TNNI3K: variants seen among roughly 807,000 people sequenced by gnomAD.
TNNI3K encodes TNNI3 interacting kinase, also known as serine/threonine-protein kinase TNNI3K.
TNNI3K carries 140 observed loss-of-function variants against 114.5 expected under a neutral mutation model. The ratio of observed to expected loss-of-function variants is 1.22; its 90% CI spans 1.07 to 1.41. The LOEUF (loss-of-function observed/expected upper bound fraction) is 1.41, where lower values mean the gene tolerates loss of function less well. Ranked by LOEUF, TNNI3K falls within the 40% of genes most tolerant of loss-of-function variation. TNNI3K has a pLI of 0.00. For synonymous variants in TNNI3K, 347 were observed against 347.5 expected (o/e 1.00, Z 0.02); for missense variants, 1,125 against 1,007.6 (o/e 1.12, Z -1.58).
intron 7 of TNNI3K, chr1:74,341,609 A>G (rs1012934439): frequency 2.0e-5 from 3 of 150,886 alleles, no homozygotes; most frequent in African/African-American, 7.3e-5. Flanking sequence ...ACTCTTGCTA[A>G]TTTAGGCATA....
intron 4 of TNNI3K, among the ~76,000 whole-genome samples, chr1:74,252,642 G>A (rs1215724755): frequency 6.6e-6 from 1 of 152,062 alleles, no homozygotes; most frequent in Non-Finnish European, 1.5e-5. Context: ...TGGTGGGTTC[G>A]TGGTCTCGCT....
intron 17 of TNNI3K, among the ~76,000 whole-genome samples, chr1:74,401,450 G>T (rs1354454205): frequency 6.6e-6 from 1 of 152,122 alleles, no homozygotes; most frequent in Non-Finnish European, 1.5e-5. Flanking sequence ...GCATGTACCT[G>T]TCTGCATTTT....
intron 17 of TNNI3K, among the ~76,000 whole-genome samples, chr1:74,420,008 C>T (rs1400667027): frequency 1.3e-5 from 2 of 151,986 alleles, no homozygotes; most frequent in Non-Finnish European, 2.9e-5. Flanking sequence ...GGAGAGAATA[C>T]ATTCAAATGG....
At position 74,365,353 on chromosome 1, in the gene TNNI3K, C is replaced by T. The variant is rs1422344126; in HGVS notation, c.1178-1903C>T. Reference sequence around the variant, plus strand: ...CACCTGTAAAGCTCTACATCAGTCGCAGTCAAAGTGCAGATTGCTGATGAG... The same window carrying T: ...CACCTGTAAAGCTCTACATCAGTCGTAGTCAAAGTGCAGATTGCTGATGAG... On this transcript the variant is annotated intron_variant, in intron 11 of 24. Transcript: ENST00000326637. Among the ~76,000 whole-genome samples, 10 of 152,078 alleles carry T rather than the reference C, an allele frequency of 6.6e-5. No individual in the cohort carries two copies. The East Asian group carries it at 1.9e-3, about 30-fold the overall frequency.
chr1:74,389,371 A>T (rs1663645305), intron 17 of TNNI3K, among the ~76,000 whole-genome samples: 1 of 152,222 alleles, frequency 6.6e-6, no homozygotes, highest in African/African-American at 2.4e-5. Flanking sequence ...GCACATAAAG[A>T]TGTTGAAACT....
Position 74,328,505 on chromosome 1 carries a change from T to C in TNNI3K, c.445-2945T>C, listed in dbSNP as rs546030885. On this transcript the variant is annotated intron_variant, in intron 5 of 24. Coordinates refer to ENST00000326637, the MANE Select transcript of TNNI3K (RefSeq NM_015978.3). Reference sequence around the variant, plus strand: ...ATACAAATTAGTACATGAATTCTACTCATTAGCTAAAATCAGATAATTCTA... The same window carrying C: ...ATACAAATTAGTACATGAATTCTACCCATTAGCTAAAATCAGATAATTCTA... 7.9e-5 allele frequency among the ~76,000 whole-genome samples: 12 copies of C among 152,288 alleles called. No individual in the cohort carries two copies. The South Asian group carries it at 2.3e-3, about 29-fold the overall frequency.
At chr1:74,316,567 C>A (rs1322705606) in intron 5 of TNNI3K, among the ~76,000 whole-genome samples, 2 of 152,124 alleles carry the variant, frequency 1.3e-5, no homozygotes, top group Non-Finnish European at 2.9e-5. Context: ...ATGTCTTACT[C>A]CCTTACCTTC....
At chr1:74,490,064 A>C (rs1318013523) in intron 22 of TNNI3K, among the ~76,000 whole-genome samples, 3 of 150,504 alleles carry the variant, frequency 2.0e-5, no homozygotes, top group East Asian at 1.9e-4. Flanking sequence ...AAAAAAAAAA[A>C]AAAAAAAAAA....
At chr1:74,522,370 A>T (rs1194986672) in intron 23 of TNNI3K, among the ~76,000 whole-genome samples, 2 of 152,156 alleles carry the variant, frequency 1.3e-5, no homozygotes, top group African/African-American at 2.4e-5. Context: ...GGGAACCTGC[A>T]GCAGCTCAGA....
intron 11 of TNNI3K, 119 bp from the exon 12 acceptor site, chr1:74,367,137 T>C (rs1450941644): frequency 1.1e-6 from 1 of 932,306 alleles, no homozygotes; most frequent in East Asian, 2.5e-5. Flanking sequence ...TTGCAATACA[T>C]TACCTCTTAT....
intron 20 of TNNI3K, among the ~76,000 whole-genome samples, chr1:74,446,875 G>T (rs1011850250): frequency 6.8e-5 from 10 of 146,566 alleles, no homozygotes; most frequent in Non-Finnish European, 1.2e-4. Context: ...AATTCTGAGG[G>T]CTCTGTTCTG....
intron 23 of TNNI3K, among the ~76,000 whole-genome samples, chr1:74,496,223 G>A (rs1376712356): frequency 6.6e-6 from 1 of 152,092 alleles, no homozygotes; most frequent in African/African-American, 2.4e-5. Flanking sequence ...TGTAAGAAGG[G>A]GATGCAGCTA....
intron 17 of TNNI3K, among the ~76,000 whole-genome samples, chr1:74,392,748 C>A (rs556112024): frequency 6.6e-6 from 1 of 152,088 alleles, no homozygotes; most frequent in Admixed American, 6.5e-5. Context: ...GAGTACCTCC[C>A]GAAATGCATA....
chr1:74,396,398 C>A (rs1223606806), intron 17 of TNNI3K, among the ~76,000 whole-genome samples: 1 of 152,096 alleles, frequency 6.6e-6, no homozygotes, highest in African/African-American at 2.4e-5. Context: ...GAGTGCACTT[C>A]TAAAAAGTAC....
At chr1:74,302,231 G>A (rs1055593809) in intron 5 of TNNI3K, among the ~76,000 whole-genome samples, 2 of 152,150 alleles carry the variant, frequency 1.3e-5, no homozygotes, top group African/African-American at 4.8e-5. Flanking sequence ...ACAAAACGGT[G>A]AACTTAATAC....
intron 5 of TNNI3K, among the ~76,000 whole-genome samples, chr1:74,326,378 G>A (rs1307533121): frequency 6.6e-6 from 1 of 152,082 alleles, no homozygotes; most frequent in Non-Finnish European, 1.5e-5. Context: ...GAGCTAAATG[G>A]AACCAAGTCA....
chr1:74,500,768 C>T (rs1261891851), intron 23 of TNNI3K, among the ~76,000 whole-genome samples: 1 of 150,552 alleles, frequency 6.6e-6, no homozygotes, highest in Non-Finnish European at 1.5e-5. Context: ...TTACTTTTTT[C>T]CCTGCACCTT....
intron 2 of TNNI3K, among the ~76,000 whole-genome samples, chr1:74,236,843 C>A (rs1653887514): frequency 6.6e-6 from 1 of 151,838 alleles, no homozygotes; most frequent in East Asian, 1.9e-4. Context: ...CACAAAAAGC[C>A]TTCTGGTTAA....
intron 17 of TNNI3K, among the ~76,000 whole-genome samples, chr1:74,388,148 C>T (rs530446742): frequency 9.9e-5 from 15 of 151,944 alleles, no homozygotes; most frequent in Non-Finnish European, 1.8e-4. Flanking sequence ...TGTGGTGGCG[C>T]GTGCCTGTAG....
Sources: gnomAD v4.1 joint callset for allele counts (sites outside exome capture counted in the v4.1 genomes callset) on GRCh38, gnomAD v4.1.1 for gene constraint, MANE v1.5 for transcripts, NCBI Gene and HGNC (gene_info 2026-07-23, HGNC 2026-07-21) for gene names.